The following MTMR3 variants were observed in gnomAD, a reference collection of about 807,000 sequenced individuals.
The protein encoded by MTMR3 is myotubularin related protein 3, also known as phosphatidylinositol-3,5-bisphosphate 3-phosphatase MTMR3.
MTMR3 carries 32 observed loss-of-function variants against 132.4 expected under a neutral mutation model. That is an observed-to-expected ratio of 0.24 (90% CI 0.18 to 0.32). The LOEUF (loss-of-function observed/expected upper bound fraction) is 0.32. MTMR3 is among the 10% of genes least tolerant of loss of function. MTMR3 has a pLI of 1.00. For missense variants in MTMR3, 1,216 were observed against 1,489.6 expected (o/e 0.82, Z 3.02); for synonymous variants, 556 against 550.3 (o/e 1.01, Z -0.14).
At chr22:29,987,769 C>G (rs5763670) in intron 5 of MTMR3, 44,386 of 152,088 alleles carry the variant, frequency 0.29, 7,626 homozygotes, top group East Asian at 0.61. Flanking sequence ...CCAGCTTGTT[C>G]AAACCTCAAG....
intron 10 of MTMR3, chr22:30,007,603 G>GCCTGC: frequency 1.8e-6 from 1 of 556,392 alleles, no homozygotes; most frequent in Non-Finnish European, 3.2e-6. Context: ...GCAGACCATG[G>GCCTGC]CAGGAAATGC....
chr22:29,909,410 A>G (rs919648564), intron 1 of MTMR3, among the ~76,000 whole-genome samples: 3 of 152,074 alleles, frequency 2.0e-5, no homozygotes, highest in Non-Finnish European at 2.9e-5. Flanking sequence ...TTTGCTGTAT[A>G]TGTGTTGTTC....
chr22:29,967,229 G>GCA (rs1353781160), intron 2 of MTMR3, among the ~76,000 whole-genome samples: 276 of 117,138 alleles, frequency 2.4e-3, no homozygotes, highest in East Asian at 6.1e-3. Flanking sequence ...GTGTGTGTGT[G>GCA]TGTGCATGCG....
chr22:30,022,263 T>C (rs2067780325), intron 18 of MTMR3, 124 bp downstream of exon 18: 1 of 733,506 alleles, frequency 1.4e-6, no homozygotes. Flanking sequence ...GCCCTGAGCC[T>C]CTGGCACCTT....
chr22:29,964,092 A>G (rs1219164233), intron 2 of MTMR3, among the ~76,000 whole-genome samples: 1 of 152,180 alleles, frequency 6.6e-6, no homozygotes, highest in Admixed American at 6.5e-5. Flanking sequence ...CTAGCAGAGT[A>G]TGAGGTTACT....
At chr22:29,955,433 C>T (rs2066169357) in intron 1 of MTMR3, among the ~76,000 whole-genome samples, 1 of 152,146 alleles carries the variant, frequency 6.6e-6, no homozygotes, top group South Asian at 2.1e-4. Context: ...ATTTACAAAT[C>T]CCTCAACTTT....
At chr22:29,925,082 G>C (rs539494853) in intron 1 of MTMR3, among the ~76,000 whole-genome samples, 162 of 152,240 alleles carry the variant, frequency 1.1e-3, no homozygotes, top group African/African-American at 3.5e-3. Context: ...ACCCAGGCTA[G>C]AGTGCAGTAG....
At chr22:29,998,601 C>T in intron 7 of MTMR3, 160 bp from the exon 8 acceptor site, 1 of 353,182 alleles carries the variant, frequency 2.8e-6, no homozygotes, top group South Asian at 4.7e-5. Context: ...TGAGATCACA[C>T]CACTGCACTC....
At chr22:30,008,139 C>A in intron 11 of MTMR3, 107 bp downstream of exon 11, 1 of 1,435,778 alleles carries the variant, frequency 7.0e-7, no homozygotes, top group Non-Finnish European at 9.5e-7. Context: ...CCATATTCCT[C>A]ATCCATCCTG....
intron 1 of MTMR3, among the ~76,000 whole-genome samples, chr22:29,912,997 T>A (rs756309547): frequency 5.3e-5 from 8 of 152,230 alleles, no homozygotes; most frequent in Non-Finnish European, 8.8e-5. Context: ...AATCCCAGCA[T>A]TCTGGGAAGC....
At chr22:29,940,384 A>G (rs996001890) in intron 1 of MTMR3, among the ~76,000 whole-genome samples, 18 of 140,000 alleles carry the variant, frequency 1.3e-4, no homozygotes, top group Admixed American at 9.5e-4. Context: ...CAAACCTGTA[A>G]GAACTAATGA....
intron 5 of MTMR3, chr22:29,985,820 A>C (rs1261241329): frequency 6.6e-6 from 1 of 152,198 alleles, no homozygotes; most frequent in African/African-American, 2.4e-5. Flanking sequence ...TAAAATATAG[A>C]AAAAAATATG....
In MTMR3 at chr22:30,020,361, G is replaced by C; in HGVS notation, c.2702G>C (p.Arg901Thr). ...CCCCAAGTGGGGTCTGTGGTGCATAGGACTTCCCTTGGCAGCACTCTCAGC... is the reference window on the plus strand; with the variant it reads ...CCCCAAGTGGGGTCTGTGGTGCATACGACTTCCCTTGGCAGCACTCTCAGC... ...ERPQVGSVVH[R>T]TSLGSTLSLT... Residue 901 changes from arginine (R) to threonine (T), a missense_variant, in exon 17 of 20, where the codon AGG becomes ACG. Coordinates refer to ENST00000401950, the MANE Select transcript of MTMR3 (RefSeq NM_021090.4). The C allele has an allele frequency of 1.2e-6, 2 of 1,614,196 alleles. No individual in the cohort carries two copies. The highest frequency in any genetic ancestry group is 1.7e-6 in the Non-Finnish European group (2 of 1,180,030).
chr22:29,918,725 C>T (rs1242117119), intron 1 of MTMR3, among the ~76,000 whole-genome samples: 1 of 152,166 alleles, frequency 6.6e-6, no homozygotes, highest in African/African-American at 2.4e-5. Flanking sequence ...CTTCTGCTTT[C>T]TTTGGATTCA....
intron 7 of MTMR3, chr22:29,997,079 A>G (rs886714713): frequency 4.6e-5 from 7 of 152,166 alleles, no homozygotes; most frequent in African/African-American, 1.4e-4. Context: ...TTGTAGACAG[A>G]TGGCACCCCA....
At chr22:30,002,673 C>T in intron 8 of MTMR3, 1 of 490,474 alleles carries the variant, frequency 2.0e-6, no homozygotes. Flanking sequence ...ACATTTAAGG[C>T]AACAAAACAA....
intron 1 of MTMR3, among the ~76,000 whole-genome samples, chr22:29,944,277 A>G (rs2065913447): frequency 6.6e-6 from 1 of 151,676 alleles, no homozygotes; most frequent in South Asian, 2.1e-4. Context: ...AACTGTAATT[A>G]CTTTTGCACC....
rs2066901218 is a variant in MTMR3 at position 29,988,571 on chromosome 22, T to C, written c.293+9T>C. 1.9e-6 allele frequency: 3 copies of C among 1,594,158 alleles called. No individual in the cohort carries two copies. Among genetic ancestry groups the C allele is most frequent in the Non-Finnish European group, 2.6e-6 (3 of 1,166,812 alleles). ...GACTGCAAAGTTATCAGGTATGTGG[T>C]ATGGTATGTTTGTGTTGCTGTTTAG... On this transcript the variant is annotated intron_variant, in intron 6 of 19. Transcript: ENST00000401950.
At chr22:29,960,053 C>T (rs900517281) in intron 2 of MTMR3, among the ~76,000 whole-genome samples, 1 of 150,592 alleles carries the variant, frequency 6.6e-6, no homozygotes, top group Non-Finnish European at 1.5e-5. Context: ...AGGTGTGAGC[C>T]ACTGCCCCTG....
Sources: gnomAD v4.1 joint callset for allele counts (sites outside exome capture counted in the v4.1 genomes callset) on GRCh38, gnomAD v4.1.1 for gene constraint, MANE v1.5 for transcripts, NCBI Gene and HGNC (gene_info 2026-07-23, HGNC 2026-07-21) for gene names.